Variants in ANO4 observed in about 807,000 individuals in gnomAD.
ANO4 encodes anoctamin 4, also known as anoctamin-4.
Under a neutral mutation model 141.9 loss-of-function variants are expected in ANO4, and 69 were observed. The ratio of observed to expected loss-of-function variants is 0.49; its 90% CI spans 0.40 to 0.59. The LOEUF (loss-of-function observed/expected upper bound fraction) is 0.59. ANO4 is among the 20% of genes least tolerant of loss of function. ANO4 has a pLI of 0.00. For missense variants in ANO4, 894 were observed against 1,162.2 expected, an observed-to-expected ratio of 0.77 and a Z score of 3.36; for synonymous variants, 350 against 394.3, an observed-to-expected ratio of 0.89 and a Z score of 1.33.
At chr12:100,969,469 C>A (rs1481421104) in intron 5 of ANO4, among the ~76,000 whole-genome samples, 1 of 152,098 alleles carries the variant, frequency 6.6e-6, no homozygotes, top group Non-Finnish European at 1.5e-5. Flanking sequence ...GCAGTTGATG[C>A]CAGTTTGATT....
intron 2 of ANO4, among the ~76,000 whole-genome samples, chr12:100,915,406 T>C (rs1477023020): frequency 2.6e-5 from 4 of 152,190 alleles, no homozygotes; most frequent in Non-Finnish European, 1.5e-5. Context: ...ATAAATAGAA[T>C]GTAGACAGAA....
At chr12:100,975,088 A>G (rs548999455) in intron 7 of ANO4, among the ~76,000 whole-genome samples, 199 bp downstream of exon 7, 17 of 152,260 alleles carry the variant, frequency 1.1e-4, no homozygotes, top group African/African-American at 4.1e-4. Context: ...GCGTCTTCCC[A>G]GTAACTTCTT....
At chr12:100,895,635 C>T (rs2040313115) in intron 1 of ANO4, among the ~76,000 whole-genome samples, 1 of 148,856 alleles carries the variant, frequency 6.7e-6, no homozygotes, top group Non-Finnish European at 1.5e-5. Flanking sequence ...TATCTCAGCT[C>T]ACTGAAACCT....
At chr12:101,078,988 C>T (rs58138380) in intron 14 of ANO4, among the ~76,000 whole-genome samples, 2,893 of 152,244 alleles carry the variant, frequency 0.019, 110 homozygotes, top group African/African-American at 0.066. Context: ...TGAAATCTCT[C>T]GTTTTTCATT....
At chr12:100,838,038 G>A (rs963697017) in intron 1 of ANO4, among the ~76,000 whole-genome samples, 1 of 152,042 alleles carries the variant, frequency 6.6e-6, no homozygotes, top group Non-Finnish European at 1.5e-5. Flanking sequence ...CCTGTTGGTG[G>A]CCATGGTAGG....
At chr12:101,036,037 G>C (rs2047179903) in intron 9 of ANO4, among the ~76,000 whole-genome samples, 1 of 152,140 alleles carries the variant, frequency 6.6e-6, no homozygotes, top group Non-Finnish European at 1.5e-5. Flanking sequence ...AAGTTAAAAT[G>C]GGCAGAGAAA....
At chr12:101,047,936 A>G in intron 13 of ANO4, 1 of 879,268 alleles carries the variant, frequency 1.1e-6, no homozygotes, top group Non-Finnish European at 1.4e-6. Context: ...AAGTGAATAA[A>G]TGAGGCATTA....
intron 1 of ANO4, among the ~76,000 whole-genome samples, chr12:100,886,980 C>T (rs1458069183): frequency 1.3e-5 from 2 of 152,188 alleles, no homozygotes; most frequent in Non-Finnish European, 2.9e-5. Flanking sequence ...ATCCTTGTTT[C>T]TATCCTTGGG....
chr12:100,821,092 G>T (rs1593425587), intron 1 of ANO4, among the ~76,000 whole-genome samples: 1 of 152,006 alleles, frequency 6.6e-6, no homozygotes, highest in Non-Finnish European at 1.5e-5. Context: ...TTTTGGATTG[G>T]CTCACGAATT....
At chr12:101,039,287 T>C (rs1025311432) in intron 10 of ANO4, among the ~76,000 whole-genome samples, 3 of 152,162 alleles carry the variant, frequency 2.0e-5, no homozygotes, top group Non-Finnish European at 2.9e-5. Context: ...GACAGATCGC[T>C]TGAGTCTAGG....
At chr12:100,838,471 T>A (rs573848057) in intron 1 of ANO4, among the ~76,000 whole-genome samples, 1 of 152,084 alleles carries the variant, frequency 6.6e-6, no homozygotes, top group African/African-American at 2.4e-5. Flanking sequence ...GAATACAGAA[T>A]AAGAAGTCCA....
At chr12:100,895,715 C>T (rs536621312) in intron 1 of ANO4, among the ~76,000 whole-genome samples, 2 of 151,918 alleles carry the variant, frequency 1.3e-5, no homozygotes, top group South Asian at 2.1e-4. Flanking sequence ...GCACCCACCA[C>T]CATGCCCAGC....
In ANO4 at chr12:101,108,395, ATTAGAGTCCTTTC is replaced by A. The variant is rs527938006; in HGVS notation, c.2150-2005_2150-1993del. ...AGAACTCTGGAGCTACAACGCTGGG[ATTAGAGTCCTTTC>A]TTACTTAACTTGTTTTGGGCAAGTT... is the stretch of plus-strand genomic sequence containing the variant. On this transcript the variant is annotated intron_variant, in intron 22 of 27. Transcript: ENST00000392977. 9.5e-3 allele frequency among the ~76,000 whole-genome samples: 1,441 copies of A among 152,242 alleles called. 17 individuals carry two copies. Among genetic ancestry groups the A allele is most frequent in the Non-Finnish European group, 0.011 (732 of 68,018 alleles).
chr12:100,759,918 A>C (rs972105313), intron 3 of ANO4, among the ~76,000 whole-genome samples: 7 of 152,140 alleles, frequency 4.6e-5, no homozygotes, highest in Admixed American at 2.6e-4. Flanking sequence ...ATTTATGTAA[A>C]CATTTTATGA....
intron 3 of ANO4, among the ~76,000 whole-genome samples, chr12:100,936,662 C>T (rs1046170385): frequency 3.3e-5 from 5 of 152,152 alleles, no homozygotes; most frequent in South Asian, 2.1e-4. Flanking sequence ...CACACCCCGT[C>T]CTAAACCATT....
chr12:100,814,628 A>G (rs991851907), intron 1 of ANO4, among the ~76,000 whole-genome samples: 3 of 152,170 alleles, frequency 2.0e-5, no homozygotes, highest in Non-Finnish European at 4.4e-5. Flanking sequence ...AGTTTTGGCT[A>G]AGATCCCAAT....
At chr12:100,743,059 A>G (rs2031942467) in intron 3 of ANO4, among the ~76,000 whole-genome samples, 1 of 151,478 alleles carries the variant, frequency 6.6e-6, no homozygotes, top group Non-Finnish European at 1.5e-5. Context: ...CATGTTATGT[A>G]TTGTGATAAG....
intron 1 of ANO4, among the ~76,000 whole-genome samples, chr12:100,881,698 G>C (rs1214275049): frequency 6.6e-6 from 1 of 152,206 alleles, no homozygotes; most frequent in East Asian, 1.9e-4. Context: ...CAGACGATCA[G>C]TGAGCTTTCT....
chr12:101,023,375 G>A (rs1002209987), intron 9 of ANO4, among the ~76,000 whole-genome samples: 1 of 152,160 alleles, frequency 6.6e-6, no homozygotes, highest in African/African-American at 2.4e-5. Context: ...TCCATGTGTT[G>A]AAAATTGGTA....
Sources: allele counts gnomAD v4.1 joint callset (sites outside exome capture counted in the v4.1 genomes callset), GRCh38; gene constraint gnomAD v4.1.1; transcripts MANE v1.5; gene names NCBI Gene and HGNC (gene_info 2026-07-23, HGNC 2026-07-21).